The following RASGEF1A variants were observed in gnomAD, a reference collection of about 807,000 sequenced individuals.
RASGEF1A encodes ras-GEF domain-containing family member 1A.
In RASGEF1A, 18 loss-of-function variants were observed where a neutral mutation model predicts 56.4. The ratio of observed to expected loss-of-function variants is 0.32; its 90% CI spans 0.22 to 0.47. RASGEF1A has a LOEUF of 0.47. Among genes scored for constraint, RASGEF1A ranks in the 20% least tolerant of loss-of-function variants. RASGEF1A has a pLI of 1.00. For synonymous variants in RASGEF1A, 245 were observed against 242.6 expected (o/e 1.01, Z -0.09); for missense variants, 422 against 627.1 (o/e 0.67, Z 3.49).
intron 1 of RASGEF1A, among the ~76,000 whole-genome samples, chr10:43,221,415 C>T (rs1824670534): frequency 6.6e-6 from 1 of 152,210 alleles, no homozygotes; most frequent in Admixed American, 6.5e-5. Context: ...GGGTGGCCCT[C>T]CTGCTGCTCC....
chr10:43,220,223 G>A (rs965156020), intron 1 of RASGEF1A, among the ~76,000 whole-genome samples: 6 of 152,238 alleles, frequency 3.9e-5, no homozygotes, highest in Non-Finnish European at 7.3e-5. Flanking sequence ...TAAACGGCCA[G>A]GCACAATGGC....
At chr10:43,249,198 T>A (rs1840599294) in intron 1 of RASGEF1A, among the ~76,000 whole-genome samples, 2 of 152,206 alleles carry the variant, frequency 1.3e-5, no homozygotes, top group South Asian at 4.1e-4. Flanking sequence ...AACCAGACTC[T>A]AAGAACAGTA....
chr10:43,199,254 G>A lies in RASGEF1A; in HGVS notation c.850-60C>T, dbSNP rs193097001. 7.8e-5 allele frequency: 104 copies of A among 1,328,584 alleles called. No homozygotes were observed. In the East Asian group the frequency reaches 1.9e-3, roughly 24 times the overall value. 82.3% of individuals were successfully genotyped at this position (1,328,584 alleles called of 1,614,324 possible). A position where few individuals can be genotyped will look rare whatever the true frequency, so the allele number is the denominator to read the frequency against. ...CCGGGGGACAGCAGGAGCTGGGGCC[G>A]CCGGGCAGAGGAACAGAGGGGCAGG... On this transcript the variant is annotated intron_variant, in intron 7 of 12. Transcript: ENST00000395810.
intron 1 of RASGEF1A, among the ~76,000 whole-genome samples, chr10:43,232,632 G>A (rs1394449990): frequency 6.6e-6 from 1 of 151,870 alleles, no homozygotes; most frequent in African/African-American, 2.4e-5. Context: ...GATTACAGGT[G>A]CACGCCACCA....
chr10:43,201,977 C>T lies in RASGEF1A; in HGVS notation c.322-32G>A. The T allele has an allele frequency of 2.5e-6, 4 of 1,579,280 alleles. 1 individual carries two copies. The highest frequency in any genetic ancestry group is 3.5e-6 in the Non-Finnish European group (4 of 1,158,688). On this transcript the variant is annotated intron_variant, in intron 3 of 12. Coordinates refer to ENST00000395810, the MANE Select transcript of RASGEF1A (RefSeq NM_145313.4). The stretch of plus-strand genomic sequence containing the variant: ...CAGCAGGGGATACAGAGTAAGGCCC[C>T]ACAGGGCAGAGTAGGGTACTAGATG...
intron 1 of RASGEF1A, among the ~76,000 whole-genome samples, chr10:43,225,497 C>G (rs1840266715): frequency 6.6e-6 from 1 of 151,124 alleles, no homozygotes; most frequent in Admixed American, 6.6e-5. Context: ...GTCTGTGTCT[C>G]TGCATGTCTC....
At position 43,208,667 on chromosome 10, in the gene RASGEF1A, C is replaced by G. The variant is rs1840028092; in HGVS notation, c.-6-2545G>C. ...TCTGTCCTGCCTACCTGGAGACCCA[C>G]CTGGGGACACGGCCCAGGGCTAGGT... On this transcript the variant is annotated intron_variant, in intron 1 of 12. Transcript: ENST00000395810. 8 of 985,630 alleles carry G rather than the reference C, an allele frequency of 8.1e-6. No homozygotes were observed. The South Asian group carries it at 3.8e-4, about 46-fold the overall frequency. 61.1% of individuals were successfully genotyped at this position (985,630 alleles called of 1,614,324 possible). A position where few individuals can be genotyped will look rare whatever the true frequency, so the allele number is the denominator to read the frequency against.
At chr10:43,197,536 C>T (rs1218231340) in intron 10 of RASGEF1A, among the ~76,000 whole-genome samples, 1 of 152,234 alleles carries the variant, frequency 6.6e-6, no homozygotes, top group Admixed American at 6.5e-5. Context: ...CGGCAGCCCA[C>T]AGCCACCTAC....
chr10:43,219,241 C>T (rs1185762945), intron 1 of RASGEF1A, among the ~76,000 whole-genome samples: 3 of 152,246 alleles, frequency 2.0e-5, no homozygotes, highest in Non-Finnish European at 2.9e-5. Context: ...TAACGAGAGC[C>T]TCCTGTAGAT....
chr10:43,203,628 G>A (rs1342019756), intron 2 of RASGEF1A: 26 of 1,198,228 alleles, frequency 2.2e-5, no homozygotes, highest in Admixed American at 3.8e-5. Context: ...GGCACGGCTC[G>A]AGCCCCGCCT....
At position 43,194,789 on chromosome 10, in the gene RASGEF1A, A is replaced by T. The variant is rs1293372262; in HGVS notation, c.*1455T>A. ...GCTGTATTCCAAATATATATTCTCA[A>T]GTTTTAAGCCTTTCTCATCTCAAAG... On this transcript the variant is annotated 3_prime_UTR_variant, in exon 13 of 13. Transcript: ENST00000395810. The T allele has an allele frequency of 6.6e-6, 1 of 152,652 alleles. No individual in the cohort carries two copies. The highest frequency in any genetic ancestry group is 1.5e-5 in the Non-Finnish European group (1 of 68,074). 9.5% of individuals were successfully genotyped at this position (152,652 alleles called of 1,614,324 possible).
intron 1 of RASGEF1A, among the ~76,000 whole-genome samples, chr10:43,236,997 TAGGACCAGCGTGGCCTTGTGGGGAGTCTC>T (rs1840439002): frequency 6.6e-6 from 1 of 151,796 alleles, no homozygotes. Context: ...TAGGGGGTCT[TAGGACCAGCGTGGCCTTGTGGGGAGTCTC>T]AGGACCAGTC....
chr10:43,224,268 T>C (rs1432293176), intron 1 of RASGEF1A, among the ~76,000 whole-genome samples: 3 of 151,652 alleles, frequency 2.0e-5, no homozygotes, highest in Admixed American at 6.5e-5. Context: ...AAAGCTAAAA[T>C]AGCATGATTT....
intron 1 of RASGEF1A, among the ~76,000 whole-genome samples, chr10:43,255,134 G>A (rs777282562): frequency 7.2e-5 from 11 of 152,138 alleles, no homozygotes; most frequent in Admixed American, 3.9e-4. Flanking sequence ...CCCTCCAGCC[G>A]GTGTCGGGCT....
chr10:43,257,562 T>G (rs1034367819), intron 1 of RASGEF1A, among the ~76,000 whole-genome samples: 3 of 152,064 alleles, frequency 2.0e-5, no homozygotes, highest in African/African-American at 7.2e-5. Context: ...CCTAGGAGGG[T>G]GGGGATGTTC....
intron 1 of RASGEF1A, chr10:43,208,976 G>A (rs148132655): frequency 2.1e-5 from 21 of 985,416 alleles, no homozygotes; most frequent in Non-Finnish European, 2.4e-5. Flanking sequence ...CTTCCACTGC[G>A]GGGTCCCCTG....
chr10:43,217,441 T>A (rs1840152003), intron 1 of RASGEF1A, among the ~76,000 whole-genome samples: 2 of 152,128 alleles, frequency 1.3e-5, no homozygotes, highest in African/African-American at 4.8e-5. Flanking sequence ...AGCGCCTCCA[T>A]CCCCACTGCA....
chr10:43,266,132 A>G (rs1011653509), intron 1 of RASGEF1A, among the ~76,000 whole-genome samples: 4 of 152,202 alleles, frequency 2.6e-5, no homozygotes, highest in Admixed American at 6.5e-5. Context: ...TGCAGGGCAC[A>G]GGAACCTGCC....
chr10:43,237,952 G>A (rs1348275082), intron 1 of RASGEF1A, among the ~76,000 whole-genome samples: 4 of 152,240 alleles, frequency 2.6e-5, no homozygotes, highest in Admixed American at 2.6e-4. Context: ...GTACCTGTGG[G>A]CGGGGATCTG....
Sources: allele counts gnomAD v4.1 joint callset (sites outside exome capture counted in the v4.1 genomes callset), GRCh38; gene constraint gnomAD v4.1.1; transcripts MANE v1.5; gene names NCBI Gene and HGNC (gene_info 2026-07-23, HGNC 2026-07-21).